The following APOBEC3D variants were observed in gnomAD, a reference collection of about 807,000 sequenced individuals.
APOBEC3D encodes apolipoprotein B mRNA editing enzyme catalytic subunit 3D, also known as DNA dC->dU-editing enzyme APOBEC-3D.
In APOBEC3D, 37 loss-of-function variants were observed where a neutral mutation model predicts 45.6. The ratio of observed to expected loss-of-function variants is 0.81; its 90% CI spans 0.62 to 1.07. APOBEC3D has a LOEUF of 1.07. APOBEC3D is among the 50% of genes least tolerant of loss of function. The pLI is 0.00. For missense variants in APOBEC3D, 496 were observed against 495.3 expected (o/e 1.00, Z -0.01); for synonymous variants, 175 against 180.7 (o/e 0.97, Z 0.25).
At chr22:39,023,968 G>A (rs1925382536) in intron 2 of APOBEC3D, among the ~76,000 whole-genome samples, 1 of 152,094 alleles carries the variant, frequency 6.6e-6, no homozygotes, top group African/African-American at 2.4e-5. Context: ...AGTGTGTTTG[G>A]GGAGGGAGTC....
Position 39,021,454 on chromosome 22 carries a change from G to A in APOBEC3D, c.-66G>A, listed in dbSNP as rs1603274645. On this transcript the variant is annotated 5_prime_UTR_variant, in exon 1 of 7. Coordinates refer to ENST00000216099, the MANE Select transcript of APOBEC3D (RefSeq NM_152426.4). ...GTCCAACTGCAAGGAGCCGCAAGCAGGAAGTGAAACCACAGCACTTCAAAA... is the reference window on the plus strand; with the variant it reads ...GTCCAACTGCAAGGAGCCGCAAGCAAGAAGTGAAACCACAGCACTTCAAAA... The A allele has an allele frequency of 1.2e-6, 2 of 1,611,890 alleles. No individual in the cohort carries two copies. The highest frequency in any genetic ancestry group is 1.7e-6 in the Non-Finnish European group (2 of 1,178,318).
intron 4 of APOBEC3D, among the ~76,000 whole-genome samples, chr22:39,026,357 A>G (rs1925665484): frequency 1.3e-5 from 2 of 152,176 alleles, no homozygotes; most frequent in South Asian, 4.1e-4. Flanking sequence ...CCCCAGTCAG[A>G]CAGGATTAGG....
intron 2 of APOBEC3D, among the ~76,000 whole-genome samples, chr22:39,023,453 T>C (rs1001295741): frequency 8.7e-5 from 13 of 150,166 alleles, no homozygotes; most frequent in South Asian, 6.3e-4. Flanking sequence ...TTCTTTCTTT[T>C]TTTTTTTTTT....
intron 4 of APOBEC3D, 92 bp from the exon 5 acceptor site, chr22:39,029,271 G>A (rs1184138691): frequency 4.2e-6 from 6 of 1,425,458 alleles, no homozygotes; most frequent in Middle Eastern, 1.9e-4. Context: ...GGATGGGAGA[G>A]GCCCAGACTC....
chr22:39,022,608 C>T (rs2142834), intron 1 of APOBEC3D, among the ~76,000 whole-genome samples: 47,085 of 152,002 alleles, frequency 0.31, 7,809 homozygotes, highest in Middle Eastern at 0.39. Context: ...GAGTTGGGCC[C>T]GAGCTGGGAG....
At chr22:39,024,136 A>T (rs1169262128) in intron 2 of APOBEC3D, among the ~76,000 whole-genome samples, 2 of 152,232 alleles carry the variant, frequency 1.3e-5, no homozygotes, top group African/African-American at 4.8e-5. Flanking sequence ...AGTGTAGCTA[A>T]CATATTACTT....
intron 5 of APOBEC3D, among the ~76,000 whole-genome samples, 166 bp downstream of exon 5, chr22:39,029,685 C>T (rs1926018076): frequency 6.6e-6 from 1 of 151,374 alleles, no homozygotes; most frequent in African/African-American, 2.4e-5. Flanking sequence ...GCAACCTCTG[C>T]CTCCCGGGTT....
chr22:39,029,486 T>C lies in APOBEC3D; in HGVS notation c.729T>C (p.Ala243=). 1.9e-6 allele frequency: 3 copies of C among 1,614,174 alleles called. 1 individual carries two copies. Among genetic ancestry groups the C allele is most frequent in the Non-Finnish European group, 2.5e-6 (3 of 1,180,030 alleles). Residue 243 remains alanine, a synonymous_variant, in exon 5 of 7, where the codon GCT becomes GCC. Coordinates refer to ENST00000216099, the MANE Select transcript of APOBEC3D (RefSeq NM_152426.4). ...TGGAAGTTACAAAGCACCACTCAGC[T>C]GTCTTCCGGAAGAGGGGCGTCTTCC... The part of the protein sequence containing the change: ...FTMEVTKHHS[A]VFRKRGVFRN...
In APOBEC3D at chr22:39,031,946, G is replaced by A; in HGVS notation, c.1015G>A (p.Ala339Thr). 6.2e-7 allele frequency: 1 copy of A among 1,614,178 alleles called. No homozygotes were observed. The highest frequency in any genetic ancestry group is 8.5e-7 in the Non-Finnish European group (1 of 1,180,044). ...EGLCSLSQEG[A>T]SVKIMGYKDF... ...GCTCTGCAGCCTGAGTCAGGAAGGG[G>A]CCTCCGTGAAGATCATGGGCTACAA... Residue 339 changes from alanine to threonine, a missense_variant, in exon 6 of 7, where the codon GCC (alanine) becomes ACC (threonine). Ala to Thr is a moderately conservative substitution (Grantham distance 58). Transcript: ENST00000216099.
intron 1 of APOBEC3D, among the ~76,000 whole-genome samples, chr22:39,022,276 G>C (rs1466391844): frequency 6.6e-6 from 1 of 152,222 alleles, no homozygotes; most frequent in Non-Finnish European, 1.5e-5. Flanking sequence ...TCTGTGGCCT[G>C]GGCAGGTTAC....
Position 39,025,258 on chromosome 22 carries a change from C to A in APOBEC3D, c.399C>A (p.Ala133=). The change falls in exon 3 of 7, where the codon GCC becomes GCA. Residue 133 remains alanine (A), a synonymous_variant. Coordinates refer to ENST00000216099, the MANE Select transcript of APOBEC3D (RefSeq NM_152426.4). ...ATGTCACCCTGACCATCTCTGCCGC[C>A]CGCCTCTACTACTACCGGGATAGAG... The part of the protein sequence containing the change: ...HPNVTLTISA[A]RLYYYRDRDW... The A allele has an allele frequency of 6.2e-7, 1 of 1,614,112 alleles. No homozygotes were observed. The highest frequency in any genetic ancestry group is 2.2e-5 in the East Asian group (1 of 44,878).
At chr22:39,029,543 C>A in intron 5 of APOBEC3D, 24 bp downstream of exon 5, 1 of 1,613,510 alleles carries the variant, frequency 6.2e-7, no homozygotes, top group Non-Finnish European at 8.5e-7. Context: ...CCTATTTACA[C>A]CCTAAATAGG....
In APOBEC3D at chr22:39,032,259, G is replaced by T. The variant is rs1926299436; in HGVS notation, c.1104G>T (p.Lys368Asn). 1 of 1,614,200 alleles carries T rather than the reference G, an allele frequency of 6.2e-7. No homozygotes were observed. Among genetic ancestry groups the T allele is most frequent in the Non-Finnish European group, 8.5e-7 (1 of 1,180,032 alleles). Residue 368 changes from lysine to asparagine, a missense_variant, in exon 7 of 7, where the codon AAG becomes AAT. Physicochemically the swap from Lys to Asn is moderately conservative, Grantham distance 94. Transcript: ENST00000216099. Reference sequence around the variant, plus strand: ...ATGATGAGCCATTCAAGCCTTGGAAGGGACTACAAACCAACTTTCGACTTC... The same window carrying T: ...ATGATGAGCCATTCAAGCCTTGGAATGGACTACAAACCAACTTTCGACTTC... ...YSDDEPFKPW[K>N]GLQTNFRLLK...
chr22:39,023,431 T>A (rs1481235955), intron 2 of APOBEC3D, among the ~76,000 whole-genome samples: 1 of 149,716 alleles, frequency 6.7e-6, no homozygotes, highest in African/African-American at 2.4e-5. Flanking sequence ...CTATATTTCT[T>A]TTTTCTTTTC....
chr22:39,025,457 G>C, intron 3 of APOBEC3D, 100 bp from the exon 4 acceptor site: 1 of 1,613,848 alleles, frequency 6.2e-7, no homozygotes, highest in Non-Finnish European at 8.5e-7. Flanking sequence ...TGCAGGGGTG[G>C]GGCTGGCACT....
At chr22:39,024,805 C>T (rs1044158094) in intron 2 of APOBEC3D, among the ~76,000 whole-genome samples, 9 of 152,174 alleles carry the variant, frequency 5.9e-5, no homozygotes, top group Admixed American at 2.0e-4. Context: ...TGAATAACCA[C>T]AGCAGTGGCA....
intron 4 of APOBEC3D, among the ~76,000 whole-genome samples, chr22:39,028,236 G>A: frequency 6.6e-6 from 1 of 152,184 alleles, no homozygotes; most frequent in Non-Finnish European, 1.5e-5. Flanking sequence ...ATGGAGTGTA[G>A]GAAAAAATAT....
intron 4 of APOBEC3D, among the ~76,000 whole-genome samples, chr22:39,027,404 G>C (rs1167562174): frequency 4.6e-5 from 7 of 151,854 alleles, no homozygotes; most frequent in African/African-American, 1.4e-4. Context: ...GCTACCGGGT[G>C]GGGGGCGTCC....
intron 4 of APOBEC3D, among the ~76,000 whole-genome samples, chr22:39,026,454 G>A (rs1246266298): frequency 6.6e-6 from 1 of 152,198 alleles, no homozygotes; most frequent in Non-Finnish European, 1.5e-5. Context: ...AGGTGGGGTT[G>A]AGGGCTTCGA....
Sources: gnomAD v4.1 joint callset for allele counts (sites outside exome capture counted in the v4.1 genomes callset) on GRCh38, gnomAD v4.1.1 for gene constraint, MANE v1.5 for transcripts, NCBI Gene and HGNC (gene_info 2026-07-23, HGNC 2026-07-21) for gene names.